Variants in ATP2B1 observed in about 807,000 individuals in gnomAD.
ATP2B1 encodes ATPase plasma membrane Ca2+ transporting 1, also known as plasma membrane calcium-transporting ATPase 1.
ATP2B1 carries 14 observed loss-of-function variants against 124.2 expected under a neutral mutation model. That is an observed-to-expected ratio of 0.11 (90% CI 0.07 to 0.18). The LOEUF (loss-of-function observed/expected upper bound fraction) is 0.18, where lower values mean the gene tolerates loss of function less well. ATP2B1 is among the 10% of genes least tolerant of loss of function. ATP2B1 has a pLI of 1.00. For missense variants in ATP2B1, 763 were observed against 1,466.1 expected, an observed-to-expected ratio of 0.52 and a Z score of 7.83; for synonymous variants, 449 against 492.4, an observed-to-expected ratio of 0.91 and a Z score of 1.17.
At chr12:89,690,395 A>G (rs1452420133) in intron 1 of ATP2B1, among the ~76,000 whole-genome samples, 1 of 150,994 alleles carries the variant, frequency 6.6e-6, no homozygotes, top group Non-Finnish European at 1.5e-5. Context: ...TAAAGTGGGT[A>G]GCTCACACAT....
chr12:89,655,646 C>A (rs1426438838), intron 2 of ATP2B1, 33 bp downstream of exon 2: 2 of 1,598,112 alleles, frequency 1.3e-6, no homozygotes, highest in Non-Finnish European at 1.7e-6. Context: ...ACTCTTTGCA[C>A]AAAGAACCAA....
At position 89,610,060 on chromosome 12, in the gene ATP2B1, T is replaced by C. The variant is rs1877701309; in HGVS notation, c.2336-17A>G. 6.3e-7 allele frequency: 1 copy of C among 1,593,524 alleles called. No individual in the cohort carries two copies. The highest frequency in any genetic ancestry group is 8.6e-7 in the Non-Finnish European group (1 of 1,163,296). On this transcript the variant is annotated splice_polypyrimidine_tract_variant and intron_variant, in intron 14 of 20. Coordinates refer to ENST00000428670, the MANE Select transcript of ATP2B1 (RefSeq NM_001366521.1). ...CAATTATACCTTAAATACAAGCAAA[T>C]ATTTGTGTTATAAAAACATTACTCT...
chr12:89,612,710 TACC>T (rs1878242932), intron 12 of ATP2B1, among the ~76,000 whole-genome samples: 1 of 152,236 alleles, frequency 6.6e-6, no homozygotes, highest in African/African-American at 2.4e-5. Context: ...TTTCTTGGTC[TACC>T]TAGACAAAAC....
chr12:89,598,889 G>A (rs1875228914), intron 20 of ATP2B1: 1 of 1,112,344 alleles, frequency 9.0e-7, no homozygotes, highest in Non-Finnish European at 1.3e-6. Flanking sequence ...AGATGAAGTG[G>A]GGGATGGGGG....
At chr12:89,699,575 CCT>C (rs1287783724) in intron 1 of ATP2B1, among the ~76,000 whole-genome samples, 1 of 152,080 alleles carries the variant, frequency 6.6e-6, no homozygotes, top group African/African-American at 2.4e-5. Flanking sequence ...ATCAAAACCC[CCT>C]GACTTTGTAC....
At chr12:89,708,374 A>G (rs936258201) in intron 1 of ATP2B1, among the ~76,000 whole-genome samples, 3 of 152,216 alleles carry the variant, frequency 2.0e-5, no homozygotes, top group Admixed American at 6.5e-5. Flanking sequence ...GCTGAGGTGC[A>G]CGGCGAGAAG....
At chr12:89,702,930 T>C (rs1367109463) in intron 1 of ATP2B1, among the ~76,000 whole-genome samples, 3 of 151,990 alleles carry the variant, frequency 2.0e-5, no homozygotes, top group Non-Finnish European at 4.4e-5. Flanking sequence ...TTTAAAAATA[T>C]GGCAAAAAAA....
At position 89,609,918 on chromosome 12, in the gene ATP2B1, T is replaced by G; in HGVS notation, c.2442+19A>C. Reference sequence around the variant, plus strand: ...AGTCAGTAAATTACGTTTGGATATTTGAATGAGTAAATTCTTACCATTGCA... The same window carrying G: ...AGTCAGTAAATTACGTTTGGATATTGGAATGAGTAAATTCTTACCATTGCA... On this transcript the variant is annotated intron_variant, in intron 15 of 20. Transcript: ENST00000428670. 6.2e-7 allele frequency: 1 copy of G among 1,604,524 alleles called. No homozygotes were observed.
chr12:89,631,750 C>A (rs576679859), intron 5 of ATP2B1, among the ~76,000 whole-genome samples: 1 of 151,910 alleles, frequency 6.6e-6, no homozygotes, highest in Non-Finnish European at 1.5e-5. Flanking sequence ...TCCCGCAAAA[C>A]AATTTTGGAA....
intron 19 of ATP2B1, 85 bp from the exon 20 acceptor site, chr12:89,599,384 T>C: frequency 7.1e-7 from 1 of 1,416,496 alleles, no homozygotes; most frequent in Non-Finnish European, 9.6e-7. Flanking sequence ...GTATTAAAAG[T>C]GGTGAGAGTA....
intron 2 of ATP2B1, among the ~76,000 whole-genome samples, chr12:89,644,889 C>T (rs567970438): frequency 6.6e-6 from 1 of 152,278 alleles, no homozygotes; most frequent in Non-Finnish European, 1.5e-5. Flanking sequence ...CTGAAAAGAA[C>T]AGCCACAGAG....
chr12:89,627,834 C>A, intron 6 of ATP2B1, 118 bp from the exon 7 acceptor site: 1 of 1,124,950 alleles, frequency 8.9e-7, no homozygotes, highest in Non-Finnish European at 1.3e-6. Flanking sequence ...TGTGTGTCTA[C>A]AGATTAGAAA....
intron 1 of ATP2B1, among the ~76,000 whole-genome samples, chr12:89,676,831 T>G (rs1382972653): frequency 6.6e-6 from 1 of 152,138 alleles, no homozygotes; most frequent in African/African-American, 2.4e-5. Context: ...TAAATTCTCA[T>G]TGTTAAAAGA....
chr12:89,615,935 AG>A (rs1878877154), intron 12 of ATP2B1, among the ~76,000 whole-genome samples: 1 of 54,876 alleles, frequency 1.8e-5, no homozygotes, highest in Non-Finnish European at 4.1e-5. Flanking sequence ...TACCTCATAA[AG>A]GTAGACATTT....
intron 12 of ATP2B1, among the ~76,000 whole-genome samples, chr12:89,612,852 G>GTA (rs1449822762): frequency 6.6e-6 from 1 of 152,154 alleles, no homozygotes; most frequent in Non-Finnish European, 1.5e-5. Context: ...CCAACACCTA[G>GTA]TATACCTTTT....
At chr12:89,625,250 A>G (rs536351480) in intron 8 of ATP2B1, among the ~76,000 whole-genome samples, 1 of 151,548 alleles carries the variant, frequency 6.6e-6, no homozygotes, top group South Asian at 2.1e-4. Context: ...TGGGTGACAG[A>G]GCAAGACTCT....
At position 89,659,541 on chromosome 12, in the gene ATP2B1, G is replaced by A. The variant is rs535759756; in HGVS notation, c.-221-3434C>T. On this transcript the variant is annotated intron_variant, in intron 1 of 20. Coordinates refer to ENST00000428670, the MANE Select transcript of ATP2B1 (RefSeq NM_001366521.1). ...GATGATTATATCCTAGTAGTTACTA[G>A]AGCTCATAAAGAGGTTGGTTAATAA... is the stretch of plus-strand genomic sequence containing the variant. Among the ~76,000 whole-genome samples the A allele has an allele frequency of 9.9e-5, 15 of 152,284 alleles. No individual in the cohort carries two copies. The South Asian group carries it at 3.1e-3, about 32-fold the overall frequency.
intron 5 of ATP2B1, among the ~76,000 whole-genome samples, chr12:89,631,761 G>A (rs1881899778): frequency 6.6e-6 from 1 of 151,860 alleles, no homozygotes; most frequent in Non-Finnish European, 1.5e-5. Flanking sequence ...AATTTTGGAA[G>A]TTGGCAGGCA....
At chr12:89,654,048 T>G (rs1350696534) in intron 2 of ATP2B1, among the ~76,000 whole-genome samples, 2 of 152,208 alleles carry the variant, frequency 1.3e-5, no homozygotes, top group African/African-American at 4.8e-5. Context: ...GATAAAACAA[T>G]GAGATTTTTT....
Sources: gnomAD v4.1 joint callset for allele counts (sites outside exome capture counted in the v4.1 genomes callset) on GRCh38, gnomAD v4.1.1 for gene constraint, MANE v1.5 for transcripts, NCBI Gene and HGNC (gene_info 2026-07-23, HGNC 2026-07-21) for gene names.